The following CNIH3 variants were observed in gnomAD, a reference collection of about 807,000 sequenced individuals.
The protein encoded by CNIH3 is protein cornichon homolog 3.
In CNIH3, 14 loss-of-function variants were observed where a neutral mutation model predicts 24.1. That is an observed-to-expected ratio of 0.58 (90% CI 0.38 to 0.91). The LOEUF is 0.91. CNIH3 is among the 40% of genes least tolerant of loss of function. The pLI is 0.00. For synonymous variants in CNIH3, 68 were observed against 73.8 expected, an observed-to-expected ratio of 0.92 and a Z score of 0.40; for missense variants, 178 against 196.8, an observed-to-expected ratio of 0.90 and a Z score of 0.57.
intron 3 of CNIH3, among the ~76,000 whole-genome samples, chr1:224,698,240 A>G (rs1307780738): frequency 6.6e-6 from 1 of 152,228 alleles, no homozygotes; most frequent in African/African-American, 2.4e-5. Flanking sequence ...GCAAAGTGCC[A>G]TTATTATAAA....
At chr1:224,558,819 C>A (rs574818353) in intron 3 of CNIH3, among the ~76,000 whole-genome samples, 1 of 152,244 alleles carries the variant, frequency 6.6e-6, no homozygotes, top group Non-Finnish European at 1.5e-5. Flanking sequence ...TTTCCTACTT[C>A]ACATTTTCAT....
At chr1:224,465,118 T>C (rs1398487937) in intron 1 of CNIH3, among the ~76,000 whole-genome samples, 2 of 151,928 alleles carry the variant, frequency 1.3e-5, no homozygotes, top group Non-Finnish European at 2.9e-5. Context: ...TATCTTTTTT[T>C]TTTTTTTTGA....
At chr1:224,642,084 G>A (rs377432005) in intron 1 of CNIH3, among the ~76,000 whole-genome samples, 3 of 152,286 alleles carry the variant, frequency 2.0e-5, no homozygotes, top group Admixed American at 1.3e-4. Flanking sequence ...TTGTTACATG[G>A]TATTTTACTT....
chr1:224,635,842 G>T (rs1684061753), intron 1 of CNIH3, among the ~76,000 whole-genome samples: 2 of 152,064 alleles, frequency 1.3e-5, no homozygotes, highest in Non-Finnish European at 2.9e-5. Context: ...TTTCTGAGTA[G>T]CTGGGATTAC....
chr1:224,676,515 C>T (rs907786532), intron 1 of CNIH3, among the ~76,000 whole-genome samples: 2 of 152,088 alleles, frequency 1.3e-5, no homozygotes, highest in South Asian at 2.1e-4. Flanking sequence ...ATTTTTAAAA[C>T]GGGTGAGATA....
intron 1 of CNIH3, among the ~76,000 whole-genome samples, chr1:224,665,726 C>G (rs192865172): frequency 5.3e-5 from 8 of 152,164 alleles, no homozygotes; most frequent in Admixed American, 4.6e-4. Context: ...ACCTAAGTTA[C>G]GACATGGAAG....
intron 1 of CNIH3, among the ~76,000 whole-genome samples, chr1:224,677,724 A>G (rs560629661): frequency 6.6e-6 from 1 of 152,236 alleles, no homozygotes; most frequent in South Asian, 2.1e-4. Flanking sequence ...CTTTTGCTCT[A>G]TTCAGTCTAG....
intron 1 of CNIH3, among the ~76,000 whole-genome samples, chr1:224,461,526 C>T (rs1000767835): frequency 6.6e-6 from 1 of 152,118 alleles, no homozygotes; most frequent in African/African-American, 2.4e-5. Context: ...ATTTATTGAA[C>T]CTATGGACGT....
chr1:224,606,891 C>A (rs1572568505), intron 3 of CNIH3, among the ~76,000 whole-genome samples: 1 of 152,138 alleles, frequency 6.6e-6, no homozygotes, highest in Non-Finnish European at 1.5e-5. Flanking sequence ...CTCCCAGAAG[C>A]TTTTCCCAAC....
intron 3 of CNIH3, among the ~76,000 whole-genome samples, chr1:224,687,152 T>TA (rs1215832390): frequency 1.6e-4 from 24 of 152,216 alleles, no homozygotes; most frequent in African/African-American, 4.3e-4. Context: ...GCCTGACAGT[T>TA]TTCTAGCTCC....
intron 1 of CNIH3, among the ~76,000 whole-genome samples, chr1:224,666,780 A>C (rs919782868): frequency 6.6e-6 from 1 of 152,212 alleles, no homozygotes; most frequent in Non-Finnish European, 1.5e-5. Flanking sequence ...TTATCATTCA[A>C]GTCCTAGTAT....
At chr1:224,736,443 A>C (rs1689596042) in intron 5 of CNIH3, among the ~76,000 whole-genome samples, 1 of 152,194 alleles carries the variant, frequency 6.6e-6, no homozygotes, top group Admixed American at 6.5e-5. Context: ...ACTGCTGGCT[A>C]TCTTAGAAAA....
chr1:224,535,270 A>C (rs1372813820), intron 2 of CNIH3, among the ~76,000 whole-genome samples: 2 of 152,128 alleles, frequency 1.3e-5, no homozygotes, highest in East Asian at 3.9e-4. Context: ...GCCGTGACAG[A>C]GGAGGGCTGC....
chr1:224,480,380 T>C (rs1297613026), intron 1 of CNIH3, among the ~76,000 whole-genome samples: 1 of 152,236 alleles, frequency 6.6e-6, no homozygotes, highest in Non-Finnish European at 1.5e-5. Context: ...GGAGGCATTT[T>C]CCCCATTGTC....
chr1:224,516,695 C>A (rs6688146), intron 1 of CNIH3, among the ~76,000 whole-genome samples: 24,883 of 152,204 alleles, frequency 0.16, 2,143 homozygotes, highest in South Asian at 0.23. Context: ...TGGGTCTGCA[C>A]TGCAAGAGCA....
chr1:224,589,245 T>C (rs145540327), downstream of CNIH3, among the ~76,000 whole-genome samples: 6 of 152,266 alleles, frequency 3.9e-5, no homozygotes, highest in African/African-American at 1.4e-4. Context: ...CACAAAAGAC[T>C]GTTGAATTCC....
chr1:224,646,355 T>G (rs1684606370), intron 1 of CNIH3, among the ~76,000 whole-genome samples: 1 of 152,260 alleles, frequency 6.6e-6, no homozygotes, highest in Non-Finnish European at 1.5e-5. Flanking sequence ...CAATTCCAAG[T>G]TGCCTTGGGG....
intron 1 of CNIH3, among the ~76,000 whole-genome samples, chr1:224,472,431 A>G (rs538379695): frequency 6.6e-6 from 1 of 152,358 alleles, no homozygotes; most frequent in East Asian, 1.9e-4. Context: ...GTATATATGT[A>G]TACATCATGG....
intron 1 of CNIH3, among the ~76,000 whole-genome samples, chr1:224,622,985 T>C (rs6697510): frequency 0.7 from 106,851 of 152,120 alleles, 39,239 homozygotes; most frequent in East Asian, 0.99. Context: ...GACTCACTCC[T>C]ATGGGCCCCT....
Sources: allele counts gnomAD v4.1 joint callset (sites outside exome capture counted in the v4.1 genomes callset), GRCh38; gene constraint gnomAD v4.1.1; transcripts MANE v1.5; gene names NCBI Gene and HGNC (gene_info 2026-07-23, HGNC 2026-07-21).